The following SNTG2 variants were observed in gnomAD, a reference collection of about 807,000 sequenced individuals.
SNTG2 encodes the protein gamma-2-syntrophin.
In SNTG2, 74 loss-of-function variants were observed where a neutral mutation model predicts 70.9. The observed-to-expected ratio is 1.04, with a 90% CI of 0.86 to 1.27. SNTG2 has a LOEUF of 1.27. Ranked by LOEUF, SNTG2 falls within the 50% of genes most tolerant of loss-of-function variation. The pLI, the probability that SNTG2 is intolerant of heterozygous loss-of-function variation, is 0.00. For missense variants in SNTG2, 717 were observed against 690.7 expected (o/e 1.04, Z -0.43); for synonymous variants, 278 against 273.8 (o/e 1.02, Z -0.15).
At chr2:984,166 G>A (rs533067630) in intron 1 of SNTG2, among the ~76,000 whole-genome samples, 1 of 152,054 alleles carries the variant, frequency 6.6e-6, no homozygotes, top group Non-Finnish European at 1.5e-5. Context: ...TTTACCCTGG[G>A]GTTCTTGTAC....
intron 7 of SNTG2, among the ~76,000 whole-genome samples, chr2:1,172,727 C>G (rs999166853): frequency 6.6e-6 from 1 of 152,202 alleles, no homozygotes; most frequent in Non-Finnish European, 1.5e-5. Flanking sequence ...ATGATCATCT[C>G]CTTTCAAAAG....
intron 16 of SNTG2, among the ~76,000 whole-genome samples, chr2:1,328,884 C>T (rs2148281192): frequency 1.3e-5 from 2 of 150,352 alleles, no homozygotes; most frequent in Middle Eastern, 6.8e-3. Flanking sequence ...CATGCACACG[C>T]ATACACACAT....
intron 8 of SNTG2, among the ~76,000 whole-genome samples, chr2:1,187,431 G>T (rs971885752): frequency 1.3e-5 from 2 of 152,168 alleles, no homozygotes; most frequent in Admixed American, 1.3e-4. Context: ...AAGGGATTCT[G>T]CCAGCTGCTG....
intron 4 of SNTG2, among the ~76,000 whole-genome samples, chr2:1,104,282 A>C (rs957599244): frequency 6.6e-6 from 1 of 152,154 alleles, no homozygotes; most frequent in African/African-American, 2.4e-5. Context: ...TTATTGCTCT[A>C]TGTTGGTGTT....
At chr2:1,346,783 A>G (rs751741453) in intron 16 of SNTG2, among the ~76,000 whole-genome samples, 14 of 152,096 alleles carry the variant, frequency 9.2e-5, no homozygotes, top group Non-Finnish European at 1.8e-4. Flanking sequence ...GAGGGTGTGC[A>G]CTGCTTCAGC....
chr2:1,325,001 C>T (rs1001429690), intron 16 of SNTG2, among the ~76,000 whole-genome samples: 1 of 152,132 alleles, frequency 6.6e-6, no homozygotes, highest in Admixed American at 6.5e-5. Flanking sequence ...CTGTGCTTGC[C>T]GCAAGGTCAG....
chr2:1,066,716 G>A (rs955197458), intron 1 of SNTG2, among the ~76,000 whole-genome samples: 7 of 151,788 alleles, frequency 4.6e-5, no homozygotes, highest in Admixed American at 2.0e-4. Flanking sequence ...TCAAAACGAC[G>A]ATTTTTTTTT....
chr2:1,026,904 C>T (rs1660508724), intron 1 of SNTG2, among the ~76,000 whole-genome samples: 1 of 152,174 alleles, frequency 6.6e-6, no homozygotes, highest in Non-Finnish European at 1.5e-5. Context: ...TTAGTGTCTG[C>T]ACAGCAGCCT....
intron 14 of SNTG2, among the ~76,000 whole-genome samples, chr2:1,297,970 G>A (rs1299638160): frequency 1.3e-5 from 2 of 152,148 alleles, no homozygotes; most frequent in East Asian, 3.9e-4. Flanking sequence ...TGGAGCTGAG[G>A]CCCATTGCCC....
At chr2:970,758 A>G (rs1660712571) in intron 1 of SNTG2, among the ~76,000 whole-genome samples, 1 of 151,382 alleles carries the variant, frequency 6.6e-6, no homozygotes, top group African/African-American at 2.4e-5. Context: ...TAGCAGCATG[A>G]TTTATAGTCC....
intron 1 of SNTG2, among the ~76,000 whole-genome samples, chr2:1,032,533 A>G (rs1660897987): frequency 6.6e-6 from 1 of 152,214 alleles, no homozygotes; most frequent in Non-Finnish European, 1.5e-5. Context: ...CTTATTTGAT[A>G]CATTTAAATT....
At chr2:1,078,087 G>C (rs1027003174) in intron 1 of SNTG2, among the ~76,000 whole-genome samples, 3 of 152,194 alleles carry the variant, frequency 2.0e-5, no homozygotes, top group Admixed American at 6.5e-5. Flanking sequence ...AAAGTTGTCT[G>C]TACTGGATTT....
intron 1 of SNTG2, among the ~76,000 whole-genome samples, chr2:1,054,941 G>GTT (rs796984867): frequency 1.3e-4 from 19 of 150,788 alleles, no homozygotes; most frequent in African/African-American, 1.7e-4. Context: ...TTTTTGTTTT[G>GTT]TTTTTGTTTT....
At chr2:1,358,713 A>G (rs147883380) in intron 16 of SNTG2, among the ~76,000 whole-genome samples, 31 of 152,244 alleles carry the variant, frequency 2.0e-4, no homozygotes, top group African/African-American at 7.0e-4. Context: ...GTTGAAGAAG[A>G]TACTAGGTAT....
chr2:977,484 C>T (rs1428426125), intron 1 of SNTG2, among the ~76,000 whole-genome samples: 1 of 152,160 alleles, frequency 6.6e-6, no homozygotes, highest in Non-Finnish European at 1.5e-5. Context: ...TCCTCTGCCT[C>T]ACCTTCCCCT....
chr2:1,008,134 T>C lies in SNTG2; in HGVS notation c.72+57066T>C, dbSNP rs145121611. ...ATTTAAAAGGCTTGATAATAACTTA[T>C]ATTGAAGACACTGTTTTACACACAC... On this transcript the variant is annotated intron_variant, in intron 1 of 16. Coordinates refer to ENST00000308624, the MANE Select transcript of SNTG2 (RefSeq NM_018968.4). Among the ~76,000 whole-genome samples, 10 of 152,340 alleles carry C rather than the reference T, an allele frequency of 6.6e-5. No homozygotes were observed. The East Asian group carries it at 1.4e-3, about 21-fold the overall frequency.
chr2:951,136 C>A, intron 1 of SNTG2, 68 bp downstream of exon 1: 1 of 684,444 alleles, frequency 1.5e-6, no homozygotes, highest in Non-Finnish European at 2.1e-6. Flanking sequence ...CCCTTCTCCC[C>A]CCGCCCCTCC....
At chr2:1,214,107 T>G (rs149937417) in intron 9 of SNTG2, among the ~76,000 whole-genome samples, 1 of 152,324 alleles carries the variant, frequency 6.6e-6, no homozygotes, top group Non-Finnish European at 1.5e-5. Context: ...CATTGGCCAA[T>G]GTACCTGTGT....
chr2:1,023,787 C>T (rs551601435), intron 1 of SNTG2, among the ~76,000 whole-genome samples: 1 of 152,312 alleles, frequency 6.6e-6, no homozygotes, highest in East Asian at 1.9e-4. Flanking sequence ...CCTCGGCAGT[C>T]TGCAAGGAGA....
Sources: gnomAD v4.1 joint callset for allele counts (sites outside exome capture counted in the v4.1 genomes callset) on GRCh38, gnomAD v4.1.1 for gene constraint, MANE v1.5 for transcripts, NCBI Gene and HGNC (gene_info 2026-07-23, HGNC 2026-07-21) for gene names.